The following ADAM17 variants were observed in gnomAD, a reference collection of about 807,000 sequenced individuals.
ADAM17 encodes ADAM metallopeptidase domain 17.
ADAM17 carries 39 observed loss-of-function variants against 96.7 expected under a neutral mutation model. The ratio of observed to expected loss-of-function variants is 0.40; its 90% CI spans 0.31 to 0.53. ADAM17 has a LOEUF of 0.53. Among genes scored for constraint, ADAM17 ranks in the 20% least tolerant of loss-of-function variants. The pLI is 0.44. For synonymous variants in ADAM17, 344 were observed against 359.2 expected, an observed-to-expected ratio of 0.96 and a Z score of 0.48; for missense variants, 777 against 1,013.2, an observed-to-expected ratio of 0.77 and a Z score of 3.17.
chr2:9,502,707 C>T (rs1348623588), intron 12 of ADAM17, among the ~76,000 whole-genome samples: 1 of 151,668 alleles, frequency 6.6e-6, no homozygotes, highest in Non-Finnish European at 1.5e-5. Context: ...GGTGAAACCC[C>T]ATCTCTACTA....
At chr2:9,495,731 C>T (rs973370660) in intron 14 of ADAM17, among the ~76,000 whole-genome samples, 4 of 150,512 alleles carry the variant, frequency 2.7e-5, no homozygotes, top group African/African-American at 9.8e-5. Flanking sequence ...AAAAGAAAAC[C>T]TTTTCATCAT....
At chr2:9,496,853 C>T (rs1662645944) in intron 14 of ADAM17, among the ~76,000 whole-genome samples, 1 of 152,200 alleles carries the variant, frequency 6.6e-6, no homozygotes, top group African/African-American at 2.4e-5. Flanking sequence ...ACAAAATTCC[C>T]TCCTCTCCCA....
intron 10 of ADAM17, chr2:9,512,257 TTA>T (rs901945465): frequency 1.0e-5 from 1 of 95,998 alleles, no homozygotes; most frequent in African/African-American, 5.0e-5. Context: ...CTAATGACTC[TTA>T]AAAAAAAATC....
In ADAM17 at chr2:9,523,358, AAAAAAGAC is replaced by A. The variant is rs1182071427; in HGVS notation, c.754-28_754-21del. On this transcript the variant is annotated intron_variant, in intron 6 of 18. Coordinates refer to ENST00000310823, the MANE Select transcript of ADAM17 (RefSeq NM_003183.6). ...CTCTATCTGTGTGTATTTAAAAAAG[AAAAAAGAC>A]ATTATGTAACTCTTTACCTCTCCTG... 1.3e-6 allele frequency: 2 copies of A among 1,561,198 alleles called. No individual in the cohort carries two copies. Among genetic ancestry groups the A allele is most frequent in the Non-Finnish European group, 1.8e-6 (2 of 1,135,274 alleles).
intron 15 of ADAM17, among the ~76,000 whole-genome samples, chr2:9,494,058 A>G (rs1268581953): frequency 2.0e-5 from 3 of 152,202 alleles, no homozygotes; most frequent in Non-Finnish European, 4.4e-5. Flanking sequence ...TTACCAGGAG[A>G]CAAAAATCAA....
intron 18 of ADAM17, among the ~76,000 whole-genome samples, chr2:9,490,769 C>CTAA (rs1662068877): frequency 6.6e-6 from 1 of 152,174 alleles, no homozygotes; most frequent in Non-Finnish European, 1.5e-5. Flanking sequence ...AACTTACTTA[C>CTAA]CATTTGAAGA....
At chr2:9,546,352 T>C (rs966039424) in intron 1 of ADAM17, among the ~76,000 whole-genome samples, 1 of 152,230 alleles carries the variant, frequency 6.6e-6, no homozygotes. Flanking sequence ...TTTTAATAAC[T>C]GGATATCTCA....
At chr2:9,502,067 G>A in intron 13 of ADAM17, 106 bp downstream of exon 13, 1 of 1,012,508 alleles carries the variant, frequency 9.9e-7, no homozygotes. Flanking sequence ...CGGCATATGA[G>A]ATTAAAAATA....
intron 2 of ADAM17, among the ~76,000 whole-genome samples, chr2:9,542,134 A>C (rs1665229635): frequency 6.6e-6 from 1 of 152,264 alleles, no homozygotes; most frequent in African/African-American, 2.4e-5. Context: ...AGAGGCCTGC[A>C]ATTATTTAAC....
Position 9,529,742 on chromosome 2 carries a change from T to C in ADAM17, c.451-1788A>G, listed in dbSNP as rs149520200. 1.7e-3 allele frequency among the ~76,000 whole-genome samples: 257 copies of C among 152,102 alleles called. 1 individual carries two copies. The highest frequency in any genetic ancestry group is 6.0e-3 in the African/African-American group (248 of 41,500). ...TCTCAGCACTTTGGGGAGGCCATGG[T>C]GGGCAGATAACTTGAGTCCAGGAGT... On this transcript the variant is annotated intron_variant, in intron 4 of 18. Transcript: ENST00000310823.
At chr2:9,509,431 T>TTA (rs1366017812) in intron 11 of ADAM17, among the ~76,000 whole-genome samples, 1 of 152,212 alleles carries the variant, frequency 6.6e-6, no homozygotes, top group Non-Finnish European at 1.5e-5. Context: ...AATGATTCCA[T>TTA]TAATTATTCA....
At position 9,543,165 on chromosome 2, in the gene ADAM17, G is replaced by A. The variant is rs986450748; in HGVS notation, c.218C>T (p.Ser73Leu). ...TAATTCAAATTACCTTTTCAAAGCT[G>A]AAAAAGTTAGTAGTGTTTCTACATG... ...STHVETLLTF[S>L]ALKRHFKLYL... Residue 73 changes from serine (S) to leucine (L), a missense_variant, in exon 2 of 19, where the codon TCA (serine) becomes TTA (leucine). Ser to Leu is a moderately radical substitution (Grantham distance 145, BLOSUM62 -2). Transcript: ENST00000310823. 1 of 1,584,830 alleles carries A rather than the reference G, an allele frequency of 6.3e-7. No homozygotes were observed.
chr2:9,522,288 T>C, intron 7 of ADAM17: 1 of 469,186 alleles, frequency 2.1e-6, no homozygotes, highest in African/African-American at 1.9e-5. Flanking sequence ...ACATACACTA[T>C]ACCTGCATAC....
chr2:9,526,243 C>T lies in ADAM17; in HGVS notation c.621G>A (p.Glu207=). The change falls in exon 6 of 19, where the codon GAG becomes GAA. Residue 207 remains glutamate, a splice_region_variant and synonymous_variant. Transcript: ENST00000310823. ...CTCTTCTTTTCACTCGATGAACAAG[C>T]TCTAATATGAATTTGTATGCACTAT... The part of the protein sequence containing the change: ...KGLVDREPPE[E]LVHRVKRRAD... 1 of 1,612,854 alleles carries T rather than the reference C, an allele frequency of 6.2e-7. No individual in the cohort carries two copies. Among genetic ancestry groups the T allele is most frequent in the Non-Finnish European group, 8.5e-7 (1 of 1,179,654 alleles).
rs1209792828 is a variant in ADAM17 at position 9,518,003 on chromosome 2, G to A, written c.1103-14C>T. On this transcript the variant is annotated splice_polypyrimidine_tract_variant and intron_variant, in intron 9 of 18. Transcript: ENST00000310823. ...GGCTATAATAAGCTAAAGTCAAAAG[G>A]AAACAGAGATAAATTGCTTATTAAA... is the stretch of plus-strand genomic sequence containing the variant. 3.2e-6 allele frequency: 5 copies of A among 1,584,846 alleles called. No homozygotes were observed. Among genetic ancestry groups the A allele is most frequent in the Non-Finnish European group, 4.3e-6 (5 of 1,169,604 alleles).
chr2:9,512,046 AG>A (rs34653114), intron 10 of ADAM17, among the ~76,000 whole-genome samples: 2 of 151,632 alleles, frequency 1.3e-5, no homozygotes, highest in Non-Finnish European at 2.9e-5. Context: ...TTTTTTCCTA[AG>A]GGGGGGAAAT....
rs1558487496 is a variant in ADAM17, at chr2:9,489,096, C to T, written c.*1081G>A. On this transcript the variant is annotated 3_prime_UTR_variant, in exon 19 of 19. Coordinates refer to ENST00000310823, the MANE Select transcript of ADAM17 (RefSeq NM_003183.6). ...AGTCTTGTGGGGACAGCCCCCAACC[C>T]TAAGGGCAGGTAGTATTCTATCTCC... 1 of 152,042 alleles carries T rather than the reference C, an allele frequency of 6.6e-6. No individual in the cohort carries two copies. 9.4% of individuals were successfully genotyped at this position (152,042 alleles called of 1,614,324 possible). A position where few individuals can be genotyped will look rare whatever the true frequency, so the allele number is the denominator to read the frequency against.
rs1662286500 is a variant in ADAM17 at position 9,493,002 on chromosome 2, A to C, written c.1994-16T>G. On this transcript the variant is annotated splice_polypyrimidine_tract_variant and intron_variant, in intron 16 of 18. Transcript: ENST00000310823. Reference sequence around the variant, plus strand: ...AAAAACTTTCCTGTGAACAATTCCAAACAGTTAATGTCTTGACCAAGTACT... The same window carrying C: ...AAAAACTTTCCTGTGAACAATTCCACACAGTTAATGTCTTGACCAAGTACT... The C allele has an allele frequency of 6.3e-7, 1 of 1,598,254 alleles. No homozygotes were observed. The highest frequency in any genetic ancestry group is 1.3e-5 in the African/African-American group (1 of 74,256).
rs559930899 is a variant in ADAM17, at chr2:9,523,971, C to G, written c.754-633G>C. Among the ~76,000 whole-genome samples the G allele has an allele frequency of 1.1e-4, 16 of 151,354 alleles. No homozygotes were observed. The East Asian group carries it at 3.1e-3, about 29-fold the overall frequency. ...GCTCACTACAGCCTGAATTTCTGGA[C>G]TCAAGCAATCCTCTCACCTCAGCCT... On this transcript the variant is annotated intron_variant, in intron 6 of 18. Transcript: ENST00000310823.
Sources: allele counts gnomAD v4.1 joint callset (sites outside exome capture counted in the v4.1 genomes callset), GRCh38; gene constraint gnomAD v4.1.1; transcripts MANE v1.5; gene names NCBI Gene and HGNC (gene_info 2026-07-23, HGNC 2026-07-21).